Variants in MAST4 observed in about 807,000 individuals in gnomAD.
MAST4 encodes the protein microtubule-associated serine/threonine-protein kinase 4.
In MAST4, 89 loss-of-function variants were observed where a neutral mutation model predicts 162.7. The ratio of observed to expected loss-of-function variants is 0.55; its 90% CI spans 0.46 to 0.65. The LOEUF (loss-of-function observed/expected upper bound fraction) is 0.65, where lower values mean the gene tolerates loss of function less well. Among genes scored for constraint, MAST4 ranks in the 30% least tolerant of loss-of-function variants. MAST4 has a pLI of 0.00. For missense variants in MAST4, 3,153 were observed against 3,374.0 expected (o/e 0.93, Z 1.62); for synonymous variants, 1,479 against 1,361.1 (o/e 1.09, Z -1.91).
intron 1 of MAST4, among the ~76,000 whole-genome samples, chr5:66,604,496 A>G (rs918114346): frequency 3.9e-5 from 6 of 152,216 alleles, no homozygotes. Context: ...ATAGGCTATC[A>G]TGTGGAAAAT....
Position 67,147,792 on chromosome 5 carries a change from T to TC in MAST4, c.3095-1596dup, listed in dbSNP as rs531514820. On this transcript the variant is annotated intron_variant, in intron 23 of 28. Coordinates refer to ENST00000403625, the MANE Select transcript of MAST4 (RefSeq NM_001164664.2). ...TGATTTCTGTAAGAGAATGGAATATTCTGTTAAATGAGAATGAGTTTAGCA... is the reference window on the plus strand; with the variant it reads ...TGATTTCTGTAAGAGAATGGAATATTCCTGTTAAATGAGAATGAGTTTAGCA... 1.2e-3 allele frequency among the ~76,000 whole-genome samples: 180 copies of TC among 152,358 alleles called. 1 individual carries two copies. Among genetic ancestry groups the TC allele is most frequent in the African/African-American group, 4.1e-3 (170 of 41,574 alleles).
chr5:67,131,571 A>G (rs1768969783), intron 15 of MAST4, among the ~76,000 whole-genome samples: 1 of 152,202 alleles, frequency 6.6e-6, no homozygotes, highest in South Asian at 2.1e-4. Context: ...TTTAAAGTAC[A>G]GTTTCACTTC....
intron 3 of MAST4, among the ~76,000 whole-genome samples, chr5:66,823,131 A>C (rs1442578706): frequency 1.3e-5 from 2 of 152,060 alleles, no homozygotes; most frequent in Non-Finnish European, 2.9e-5. Flanking sequence ...CCTTCCTGCC[A>C]TGTCGTGAAG....
chr5:67,024,736 G>C (rs765906325), intron 4 of MAST4, among the ~76,000 whole-genome samples: 2 of 152,046 alleles, frequency 1.3e-5, no homozygotes, highest in Admixed American at 6.6e-5. Flanking sequence ...ACAAAAGATT[G>C]TAAGAAGGAA....
intron 3 of MAST4, among the ~76,000 whole-genome samples, chr5:66,842,061 G>A (rs566600848): frequency 6.2e-4 from 95 of 152,292 alleles, no homozygotes; most frequent in African/African-American, 2.1e-3. Context: ...TATTAATAAG[G>A]TCATTCAAAT....
chr5:66,968,150 G>A (rs554649325), intron 4 of MAST4, among the ~76,000 whole-genome samples: 2 of 152,140 alleles, frequency 1.3e-5, no homozygotes, highest in Non-Finnish European at 2.9e-5. Context: ...ATTACTCAGT[G>A]GCCAAGTTTC....
rs1774155673 is a variant in MAST4, at chr5:67,167,204, C to A, written c.*153C>A. The A allele has an allele frequency of 2.6e-6, 1 of 388,050 alleles. No homozygotes were observed. The highest frequency in any genetic ancestry group is 2.3e-5 in the African/African-American group (1 of 43,496). 24.0% of individuals were successfully genotyped at this position (388,050 alleles called of 1,614,324 possible). ...GGGAGAGAGAAAGACAAAGAGGGGACCTTCTTCCAGATGCCTTCCCAGTTG... is the reference window on the plus strand; with the variant it reads ...GGGAGAGAGAAAGACAAAGAGGGGAACTTCTTCCAGATGCCTTCCCAGTTG... On this transcript the variant is annotated 3_prime_UTR_variant, in exon 29 of 29. Coordinates refer to ENST00000403625, the MANE Select transcript of MAST4 (RefSeq NM_001164664.2).
At chr5:66,633,335 A>C (rs1361922813) in intron 1 of MAST4, among the ~76,000 whole-genome samples, 1 of 152,190 alleles carries the variant, frequency 6.6e-6, no homozygotes, top group African/African-American at 2.4e-5. Flanking sequence ...ATGAGCTGTA[A>C]AACATTTGAA....
chr5:66,982,458 T>G (rs927641886), intron 4 of MAST4, among the ~76,000 whole-genome samples: 7 of 152,168 alleles, frequency 4.6e-5, no homozygotes, highest in Non-Finnish European at 1.0e-4. Flanking sequence ...GAATATTTAT[T>G]TATTAAAGTG....
At chr5:66,672,039 C>G (rs546335445) in intron 1 of MAST4, among the ~76,000 whole-genome samples, 13 of 152,254 alleles carry the variant, frequency 8.5e-5, no homozygotes, top group African/African-American at 2.9e-4. Context: ...TTGTTCAAAT[C>G]CTTCTAAGTG....
chr5:67,066,337 T>G (rs1760226881), intron 5 of MAST4, among the ~76,000 whole-genome samples: 1 of 151,386 alleles, frequency 6.6e-6, no homozygotes, highest in South Asian at 2.1e-4. Flanking sequence ...TTACTCAGAA[T>G]TAACTACTTA....
intron 1 of MAST4, among the ~76,000 whole-genome samples, chr5:66,634,992 C>A (rs142885458): frequency 2.0e-4 from 31 of 152,328 alleles, no homozygotes; most frequent in African/African-American, 7.2e-4. Context: ...GGATGCAGGT[C>A]CTGCCATCCT....
chr5:66,919,900 CCTTCCTTCCTTCCTTCCTT>C (rs1561445940), intron 4 of MAST4, among the ~76,000 whole-genome samples: 35 of 2,542 alleles, frequency 0.014, no homozygotes, highest in African/African-American at 0.016. Flanking sequence ...TTTTCTCTCT[CCTTCCTTCCTTCCTTCCTT>C]CCTTCCTTCC....
intron 21 of MAST4, among the ~76,000 whole-genome samples, chr5:67,144,268 G>C (rs1770771710): frequency 6.6e-6 from 1 of 152,006 alleles, no homozygotes; most frequent in Non-Finnish European, 1.5e-5. Context: ...CTGACTGGTG[G>C]CCATTAAATC....
chr5:66,596,834 A>C lies in MAST4; in HGVS notation c.179A>C (p.Glu60Ala). 6.9e-6 allele frequency: 9 copies of C among 1,295,826 alleles called. No individual in the cohort carries two copies. Among genetic ancestry groups the C allele is most frequent in the Middle Eastern group, 2.4e-4 (1 of 4,102 alleles). The allele number at this position is 1,295,826 out of a possible 1,614,324, so 80.3% of individuals were successfully genotyped here. ...GGGGAGCCCGGCGGCTTCTCCAGAG[A>C]GCATCAGCCGCCGCCGCCGCCGCCG... The part of the protein sequence containing the change: ...EEGEPGGFSR[E>A]HQPPPPPPLG... Residue 60 changes from glutamate to alanine, a missense_variant, in exon 1 of 29, where the codon GAG (glutamate) becomes GCG (alanine). Glu to Ala is a moderately radical substitution (Grantham distance 107). Around this residue, in one of 7 missense-constraint regions of MAST4, gnomAD observed 327 missense variants for 336.5 expected, o/e 0.97. Transcript: ENST00000403625.
rs200419117 is a variant in MAST4, at chr5:67,166,701, G to A, written c.7522G>A (p.Ala2508Thr). The change falls in exon 29 of 29, where the codon GCC becomes ACC. Residue 2508 changes from alanine to threonine, a missense_variant. Coordinates refer to ENST00000403625, the MANE Select transcript of MAST4 (RefSeq NM_001164664.2). ...CAGGGACCATAGGAAGGCTCAGCCT[G>A]CCGGGGAGGGCCGAACCCACATGAC... ...SNRDHRKAQP[A>T]GEGRTHMTKS... The A allele has an allele frequency of 2.0e-4, 325 of 1,588,250 alleles. No homozygotes were observed. Among genetic ancestry groups the A allele is most frequent in the Admixed American group, 7.8e-4 (44 of 56,130 alleles).
chr5:67,040,362 G>A (rs1165224889), intron 4 of MAST4, among the ~76,000 whole-genome samples: 1 of 152,162 alleles, frequency 6.6e-6, no homozygotes, highest in Non-Finnish European at 1.5e-5. Context: ...GCATAAGGAA[G>A]GAAGTGCCTG....
intron 4 of MAST4, among the ~76,000 whole-genome samples, chr5:67,044,210 C>G (rs1757100391): frequency 6.6e-6 from 1 of 152,146 alleles, no homozygotes. Context: ...TGGTAACACT[C>G]TTTAATGTGT....
intron 1 of MAST4, among the ~76,000 whole-genome samples, chr5:66,757,364 G>C (rs1308834112): frequency 2.0e-5 from 3 of 152,152 alleles, no homozygotes; most frequent in African/African-American, 7.2e-5. Flanking sequence ...GCATTTACTA[G>C]GACTATTAAA....
Sources: allele counts gnomAD v4.1 joint callset (sites outside exome capture counted in the v4.1 genomes callset), GRCh38; gene constraint gnomAD v4.1.1; regional missense constraint gnomAD v4.1.1; transcripts MANE v1.5; gene names NCBI Gene and HGNC (gene_info 2026-07-23, HGNC 2026-07-21).